The following LDLRAD3 variants were observed in gnomAD, a reference collection of about 807,000 sequenced individuals.
The protein encoded by LDLRAD3 is low-density lipoprotein receptor class A domain-containing protein 3.
A neutral mutation model predicts 29.4 loss-of-function variants in LDLRAD3; 20 were observed. The observed-to-expected ratio is 0.68, with a 90% CI of 0.48 to 0.99. The LOEUF is 0.99. LDLRAD3 is among the 50% of genes least tolerant of loss of function. The pLI, the probability that LDLRAD3 is intolerant of heterozygous loss-of-function variation, is 0.00. For missense variants in LDLRAD3, 420 were observed against 454.3 expected, an observed-to-expected ratio of 0.92 and a Z score of 0.69; for synonymous variants, 157 against 192.7, an observed-to-expected ratio of 0.81 and a Z score of 1.53.
At chr11:36,025,068 A>G (rs1852145580) in intron 1 of LDLRAD3, among the ~76,000 whole-genome samples, 1 of 152,236 alleles carries the variant, frequency 6.6e-6, no homozygotes. Flanking sequence ...AAAAGAGCTC[A>G]TAATAGATGG....
intron 2 of LDLRAD3, among the ~76,000 whole-genome samples, chr11:36,045,192 T>G (rs1165799545): frequency 6.6e-6 from 1 of 152,216 alleles, no homozygotes; most frequent in African/African-American, 2.4e-5. Flanking sequence ...AGCACCCACC[T>G]ACATACAGAC....
At chr11:36,229,131 C>A in intron 5 of LDLRAD3, 29 bp from the exon 6 acceptor site, 1 of 1,474,004 alleles carries the variant, frequency 6.8e-7, no homozygotes, top group East Asian at 2.3e-5. Context: ...GTCTCCATTG[C>A]CCCTGCCCCC....
chr11:36,100,915 A>C (rs1267676576), intron 4 of LDLRAD3, among the ~76,000 whole-genome samples: 1 of 152,154 alleles, frequency 6.6e-6, no homozygotes, highest in Non-Finnish European at 1.5e-5. Context: ...GCTTGCCCTT[A>C]AGAAGAATGG....
chr11:36,012,121 A>G (rs146099043), intron 1 of LDLRAD3, among the ~76,000 whole-genome samples: 88 of 152,290 alleles, frequency 5.8e-4, no homozygotes, highest in Middle Eastern at 3.4e-3. Flanking sequence ...GTCTCCCCTT[A>G]TCTTCGGGGG....
At chr11:36,041,884 G>C (rs1004656461) in intron 2 of LDLRAD3, among the ~76,000 whole-genome samples, 1 of 151,986 alleles carries the variant, frequency 6.6e-6, no homozygotes, top group African/African-American at 2.4e-5. Flanking sequence ...TGGTTGAGGG[G>C]GGTGTGGAGG....
At chr11:36,057,412 A>G (rs912073205) in intron 2 of LDLRAD3, among the ~76,000 whole-genome samples, 6 of 151,622 alleles carry the variant, frequency 4.0e-5, no homozygotes, top group African/African-American at 1.5e-4. Flanking sequence ...TTGGCCCCAA[A>G]CTCTTCCTCA....
At chr11:36,080,198 G>A (rs1054003501) in intron 2 of LDLRAD3, among the ~76,000 whole-genome samples, 1 of 152,322 alleles carries the variant, frequency 6.6e-6, no homozygotes, top group South Asian at 2.1e-4. Flanking sequence ...CAGAAGACAA[G>A]AGGGATGCTA....
At chr11:36,206,299 A>G (rs1301022523) in intron 4 of LDLRAD3, among the ~76,000 whole-genome samples, 2 of 152,142 alleles carry the variant, frequency 1.3e-5, no homozygotes, top group Admixed American at 1.3e-4. Context: ...TTAGAATACT[A>G]ATATATATGT....
rs146808067 is a variant in LDLRAD3 at position 36,113,885 on chromosome 11, G to A, written c.454+15424G>A. 4.9e-3 allele frequency among the ~76,000 whole-genome samples: 742 copies of A among 152,170 alleles called. 7 individuals are homozygous for A. Among genetic ancestry groups the A allele is most frequent in the African/African-American group, 0.017 (725 of 41,518 alleles). Reference sequence around the variant, plus strand: ...GACGGAGTTTCGCCATTTTGGCCAGGCCGGTCTCAAACTCCTAACCTCAGG... The same window carrying A: ...GACGGAGTTTCGCCATTTTGGCCAGACCGGTCTCAAACTCCTAACCTCAGG... On this transcript the variant is annotated intron_variant, in intron 4 of 5. Transcript: ENST00000315571.
intron 4 of LDLRAD3, among the ~76,000 whole-genome samples, chr11:36,176,003 A>G (rs761171472): frequency 6.6e-6 from 1 of 152,190 alleles, no homozygotes; most frequent in African/African-American, 2.4e-5. Context: ...TAGTACATAT[A>G]TATTTAGAAT....
At chr11:36,017,755 C>T (rs1217233712) in intron 1 of LDLRAD3, among the ~76,000 whole-genome samples, 1 of 152,088 alleles carries the variant, frequency 6.6e-6, no homozygotes, top group Non-Finnish European at 1.5e-5. Flanking sequence ...CAACTCCCGA[C>T]CTCAAGTGAT....
At chr11:35,971,294 T>A (rs1343407896) in intron 1 of LDLRAD3, among the ~76,000 whole-genome samples, 5 of 151,966 alleles carry the variant, frequency 3.3e-5, no homozygotes, top group Admixed American at 3.3e-4. Flanking sequence ...TTGAGGGGAG[T>A]GACATGACCT....
chr11:35,984,710 C>T (rs1851586403), intron 1 of LDLRAD3, among the ~76,000 whole-genome samples: 3 of 152,212 alleles, frequency 2.0e-5, no homozygotes. Flanking sequence ...TGGCTCACCG[C>T]AGCCTCCGCC....
intron 1 of LDLRAD3, among the ~76,000 whole-genome samples, chr11:35,988,566 A>T (rs984825063): frequency 4.0e-5 from 6 of 151,560 alleles, no homozygotes; most frequent in African/African-American, 1.5e-4. Context: ...TCCTTAGTTA[A>T]ATTAGGTCCC....
At chr11:36,227,027 C>A in intron 4 of LDLRAD3, 58 bp from the exon 5 acceptor site, 1 of 1,363,480 alleles carries the variant, frequency 7.3e-7, no homozygotes, top group Non-Finnish European at 1.0e-6. Context: ...TGTTGAAACA[C>A]AAAGATTAGC....
intron 2 of LDLRAD3, among the ~76,000 whole-genome samples, chr11:36,063,875 A>G (rs1041711843): frequency 6.6e-6 from 1 of 152,124 alleles, no homozygotes; most frequent in African/African-American, 2.4e-5. Flanking sequence ...TTCTTTTTCA[A>G]TATGGTTTTG....
intron 4 of LDLRAD3, chr11:36,197,331 A>G (rs1278977426): frequency 6.6e-6 from 1 of 152,078 alleles, no homozygotes; most frequent in Non-Finnish European, 1.5e-5. Flanking sequence ...TATTTAATAC[A>G]TATTTATGAG....
At chr11:36,053,345 G>C (rs531918282) in intron 2 of LDLRAD3, among the ~76,000 whole-genome samples, 2 of 152,052 alleles carry the variant, frequency 1.3e-5, no homozygotes, top group East Asian at 3.9e-4. Context: ...CATAGCATGA[G>C]AGTACTCAGA....
chr11:36,050,855 G>A (rs1023972212), intron 2 of LDLRAD3, among the ~76,000 whole-genome samples: 8 of 152,166 alleles, frequency 5.3e-5, no homozygotes, highest in Non-Finnish European at 1.2e-4. Context: ...CAAGACCAAG[G>A]CACTGACAGA....
Sources: allele counts gnomAD v4.1 joint callset (sites outside exome capture counted in the v4.1 genomes callset), GRCh38; gene constraint gnomAD v4.1.1; transcripts MANE v1.5; gene names NCBI Gene and HGNC (gene_info 2026-07-23, HGNC 2026-07-21).